TBK1: variants seen among roughly 807,000 people sequenced by gnomAD.
TBK1 encodes TANK binding kinase 1, also known as serine/threonine-protein kinase TBK1.
In TBK1, 37 loss-of-function variants were observed where a neutral mutation model predicts 99.9. The observed-to-expected ratio is 0.37, with a 90% CI of 0.28 to 0.49. TBK1 has a LOEUF of 0.49. Ranked by LOEUF, TBK1 falls within the 20% of genes least tolerant of loss-of-function variation. TBK1 has a pLI of 0.98. For synonymous variants in TBK1, 258 were observed against 279.8 expected, an observed-to-expected ratio of 0.92 and a Z score of 0.78; for missense variants, 644 against 872.5, an observed-to-expected ratio of 0.74 and a Z score of 3.30.
intron 5 of TBK1, among the ~76,000 whole-genome samples, chr12:64,470,620 AT>A (rs1244448712): frequency 3.4e-4 from 51 of 152,236 alleles, no homozygotes; most frequent in African/African-American, 1.2e-3. Flanking sequence ...TTCGAAATAG[AT>A]TTCTCACTTG....
At chr12:64,486,831 C>G (rs2040825304) in intron 11 of TBK1, among the ~76,000 whole-genome samples, 1 of 152,122 alleles carries the variant, frequency 6.6e-6, no homozygotes, top group Non-Finnish European at 1.5e-5. Flanking sequence ...AATTTTAGAA[C>G]ATTTTCATCA....
At chr12:64,499,986 G>T (rs940936093) in intron 20 of TBK1, among the ~76,000 whole-genome samples, 1 of 151,988 alleles carries the variant, frequency 6.6e-6, no homozygotes, top group African/African-American at 2.4e-5. Flanking sequence ...GTGAGCCACC[G>T]TGCCCAGCCA....
In TBK1 at chr12:64,474,082, G is replaced by A. The variant is rs2040688509; in HGVS notation, c.541-148G>A. 2.6e-5 allele frequency: 18 copies of A among 699,754 alleles called. No individual in the cohort carries two copies. The South Asian group carries it at 3.7e-4, about 14-fold the overall frequency. The allele number at this position is 699,754 out of a possible 1,614,324, so 43.3% of individuals were successfully genotyped here. Reference sequence around the variant, plus strand: ...GGTGGTGGAGGTTTGAGGAGGGAGGGGAAGATGTGAAATAGTCTTTTCAGA... The same window carrying A: ...GGTGGTGGAGGTTTGAGGAGGGAGGAGAAGATGTGAAATAGTCTTTTCAGA... On this transcript the variant is annotated intron_variant, in intron 5 of 20. Transcript: ENST00000331710.
intron 13 of TBK1, among the ~76,000 whole-genome samples, chr12:64,492,674 C>T (rs545223097): frequency 3.9e-5 from 6 of 152,076 alleles, no homozygotes; most frequent in African/African-American, 1.4e-4. Flanking sequence ...CTTATGACAT[C>T]AGGACTTCTC....
At chr12:64,474,828 AC>A (rs1207589342) in intron 6 of TBK1, among the ~76,000 whole-genome samples, 2 of 152,330 alleles carry the variant, frequency 1.3e-5, no homozygotes, top group East Asian at 3.9e-4. Flanking sequence ...TTAAAAAATA[AC>A]ATTTTGGGCC....
chr12:64,501,010 C>T (rs1009270011), intron 20 of TBK1, among the ~76,000 whole-genome samples: 4 of 152,110 alleles, frequency 2.6e-5, no homozygotes, highest in South Asian at 2.1e-4. Context: ...CTGCCTGCCT[C>T]GGCCTCCCAA....
intron 20 of TBK1, 104 bp downstream of exon 20, chr12:64,498,143 T>G: frequency 7.4e-6 from 7 of 940,214 alleles, no homozygotes; most frequent in Non-Finnish European, 8.1e-6. Context: ...TGGTAAAGGG[T>G]CATAAAGTCA....
chr12:64,485,842 TA>T, intron 10 of TBK1, 83 bp from the exon 11 acceptor site: 2 of 957,736 alleles, frequency 2.1e-6, no homozygotes, highest in Admixed American at 2.8e-5. Flanking sequence ...TAAAAATGTG[TA>T]AGCTTGAATA....
chr12:64,460,427 T>C, intron 3 of TBK1, 98 bp downstream of exon 3: 2 of 952,370 alleles, frequency 2.1e-6, no homozygotes, highest in South Asian at 2.3e-5. Flanking sequence ...CTGTTGAAAA[T>C]TAGGGTTTGT....
chr12:64,478,317 A>G (rs2040735599), intron 6 of TBK1, among the ~76,000 whole-genome samples: 1 of 151,992 alleles, frequency 6.6e-6, no homozygotes, highest in South Asian at 2.1e-4. Flanking sequence ...TGCCCGGCTA[A>G]TTTTTGTATT....
chr12:64,464,973 G>T (rs760283923), intron 4 of TBK1, among the ~76,000 whole-genome samples: 1 of 152,072 alleles, frequency 6.6e-6, no homozygotes, highest in African/African-American at 2.4e-5. Context: ...GCCAACCATG[G>T]TGGCTCACGC....
intron 18 of TBK1, 29 bp from the exon 19 acceptor site, chr12:64,497,619 T>TC (rs1565824924): frequency 1.5e-6 from 2 of 1,304,234 alleles, no homozygotes; most frequent in East Asian, 2.4e-5. Flanking sequence ...TGGGGTTTTT[T>TC]TCTTTTTTTT....
intron 7 of TBK1, among the ~76,000 whole-genome samples, chr12:64,480,580 G>A (rs1331052005): frequency 1.3e-5 from 2 of 152,068 alleles, no homozygotes; most frequent in East Asian, 3.8e-4. Context: ...ATAGTTTTTT[G>A]TACTTTTTAG....
intron 5 of TBK1, among the ~76,000 whole-genome samples, chr12:64,468,982 C>T (rs764099217): frequency 5.3e-5 from 8 of 152,014 alleles, no homozygotes; most frequent in Non-Finnish European, 7.4e-5. Context: ...TAGCCTACTG[C>T]ATCAGTCTGA....
At chr12:64,495,669 AATTT>A (rs767068167) in intron 14 of TBK1, 26 bp from the exon 15 acceptor site, 34 of 1,612,210 alleles carry the variant, frequency 2.1e-5, no homozygotes, top group African/African-American at 4.0e-5. Flanking sequence ...TGACTCAGTT[AATTT>A]ATTTGAGTTT....
At chr12:64,458,019 G>T (rs1438802822) in intron 2 of TBK1, among the ~76,000 whole-genome samples, 1 of 151,882 alleles carries the variant, frequency 6.6e-6, no homozygotes, top group Non-Finnish European at 1.5e-5. Context: ...GCCAAGGCAG[G>T]TAGGTTGCTT....
At chr12:64,491,093 T>A (rs1016045457) in intron 13 of TBK1, among the ~76,000 whole-genome samples, 2 of 152,112 alleles carry the variant, frequency 1.3e-5, no homozygotes, top group Admixed American at 6.6e-5. Flanking sequence ...TCTGGGAGTC[T>A]CTGAATCTCT....
chr12:64,500,428 T>C (rs1253579832), intron 20 of TBK1, among the ~76,000 whole-genome samples: 1 of 152,144 alleles, frequency 6.6e-6, no homozygotes, highest in Non-Finnish European at 1.5e-5. Context: ...CATTCAGATC[T>C]CCTTTCCCTT....
At chr12:64,470,359 T>G (rs1254239746) in intron 5 of TBK1, among the ~76,000 whole-genome samples, 3 of 152,170 alleles carry the variant, frequency 2.0e-5, no homozygotes, top group African/African-American at 7.2e-5. Context: ...TGTAAAAATT[T>G]AGAAACAGCT....
Sources: allele counts gnomAD v4.1 joint callset (sites outside exome capture counted in the v4.1 genomes callset), GRCh38; gene constraint gnomAD v4.1.1; transcripts MANE v1.5; gene names NCBI Gene and HGNC (gene_info 2026-07-23, HGNC 2026-07-21).